The following ADGRL3 variants were observed in gnomAD, a reference collection of about 807,000 sequenced individuals.
ADGRL3 encodes calcium-independent alpha-latrotoxin receptor 3.
Under a neutral mutation model 153.5 loss-of-function variants are expected in ADGRL3, and 62 were observed. That is an observed-to-expected ratio of 0.40 (90% CI 0.33 to 0.50). The LOEUF is 0.50. ADGRL3 is among the 20% of genes least tolerant of loss of function. The pLI is 0.47. For synonymous variants in ADGRL3, 710 were observed against 672.5 expected (o/e 1.06, Z -0.86); for missense variants, 1,641 against 1,859.4 (o/e 0.88, Z 2.16).
intron 25 of ADGRL3, among the ~76,000 whole-genome samples, chr4:62,051,318 T>C (rs554223748): frequency 6.6e-6 from 1 of 151,536 alleles, no homozygotes; most frequent in South Asian, 2.1e-4. Context: ...GGCTCAGATT[T>C]TTTAAGTGAG....
intron 25 of ADGRL3, among the ~76,000 whole-genome samples, chr4:62,055,630 C>T (rs1360262201): frequency 6.6e-6 from 1 of 151,594 alleles, no homozygotes; most frequent in East Asian, 1.9e-4. Context: ...GATTTTAAAA[C>T]TTATGTAACT....
At chr4:61,852,515 A>G (rs1189007388) in intron 9 of ADGRL3, among the ~76,000 whole-genome samples, 4 of 151,960 alleles carry the variant, frequency 2.6e-5, no homozygotes, top group Non-Finnish European at 5.9e-5. Context: ...GGGTTTCGCC[A>G]TGTTGGCCAG....
intron 23 of ADGRL3, among the ~76,000 whole-genome samples, chr4:62,036,117 C>A (rs994691528): frequency 5.3e-5 from 8 of 151,994 alleles, no homozygotes; most frequent in African/African-American, 1.9e-4. Context: ...AAATGTAGCA[C>A]AGAAGAGACT....
intron 2 of ADGRL3, among the ~76,000 whole-genome samples, chr4:61,392,914 T>G (rs192965998): frequency 6.6e-6 from 1 of 151,908 alleles, no homozygotes; most frequent in Admixed American, 6.6e-5. Context: ...CATCATAAAA[T>G]TATTAAATAT....
In ADGRL3 at chr4:61,903,650, C is replaced by CAAAAAAAAAAAAA. The variant is rs55879235; in HGVS notation, c.1888-5889_1888-5877dup. Among the ~76,000 whole-genome samples the CAAAAAAAAAAAAA allele has an allele frequency of 3.7e-4, 27 of 72,354 alleles. 2 individuals carry two copies. Among genetic ancestry groups the CAAAAAAAAAAAAA allele is most frequent in the African/African-American group, 1.4e-3 (21 of 15,294 alleles). 47.5% of individuals were successfully genotyped at this position (72,354 alleles called of 152,430 possible). On this transcript the variant is annotated intron_variant, in intron 11 of 26. Transcript: ENST00000683033. ...TGCTGCACTCCAGCTTGGGAAACAG[C>CAAAAAAAAAAAAA]AAAAAAAAAAAAAAAAAAAAAAAAA...
At chr4:61,619,314 T>G (rs186079715) in intron 5 of ADGRL3, among the ~76,000 whole-genome samples, 1 of 152,302 alleles carries the variant, frequency 6.6e-6, no homozygotes, top group African/African-American at 2.4e-5. Context: ...TAATCTTTCA[T>G]GAAAAACTTC....
chr4:61,217,789 A>G (rs1299989694), intron 1 of ADGRL3, among the ~76,000 whole-genome samples: 1 of 151,942 alleles, frequency 6.6e-6, no homozygotes, highest in African/African-American at 2.4e-5. Context: ...TCTTACCCTT[A>G]TTTTTTCCCA....
chr4:61,919,578 A>G (rs1298644858), intron 13 of ADGRL3, among the ~76,000 whole-genome samples: 1 of 152,210 alleles, frequency 6.6e-6, no homozygotes, highest in East Asian at 1.9e-4. Context: ...TGTAGACATT[A>G]AACGCTACTA....
At chr4:61,999,092 C>T (rs1426503632) in intron 21 of ADGRL3, among the ~76,000 whole-genome samples, 4 of 152,232 alleles carry the variant, frequency 2.6e-5, no homozygotes, top group Non-Finnish European at 5.9e-5. Flanking sequence ...AGAAACCTTC[C>T]TAATGTAAAT....
Position 61,976,280 on chromosome 4 carries a change from T to C in ADGRL3, c.2806-3283T>C, listed in dbSNP as rs560095824. Among the ~76,000 whole-genome samples the C allele has an allele frequency of 2.0e-4, 30 of 151,886 alleles. 1 individual carries two copies. Among genetic ancestry groups the C allele is most frequent in the African/African-American group, 6.5e-4 (27 of 41,418 alleles). ...ACATTGGTACAACTATACCTAGGAGTTTAATTCAACTGGTCTTCCTCTTGA... is the reference window on the plus strand; with the variant it reads ...ACATTGGTACAACTATACCTAGGAGCTTAATTCAACTGGTCTTCCTCTTGA... On this transcript the variant is annotated intron_variant, in intron 17 of 26. Coordinates refer to ENST00000683033, the MANE Select transcript of ADGRL3 (RefSeq NM_001387552.1).
intron 17 of ADGRL3, among the ~76,000 whole-genome samples, chr4:61,952,463 A>G (rs2098950548): frequency 6.7e-6 from 1 of 150,180 alleles, no homozygotes; most frequent in Non-Finnish European, 1.5e-5. Flanking sequence ...TGGGCAACAG[A>G]GTGAGACCCT....
chr4:61,810,785 GT>G (rs1301697340), intron 8 of ADGRL3, among the ~76,000 whole-genome samples: 1 of 151,978 alleles, frequency 6.6e-6, no homozygotes, highest in Non-Finnish European at 1.5e-5. Context: ...GTTTTTTTAT[GT>G]GTTTTTCTGT....
intron 5 of ADGRL3, among the ~76,000 whole-genome samples, chr4:61,664,900 A>G (rs2094730619): frequency 6.6e-6 from 1 of 152,112 alleles, no homozygotes; most frequent in Admixed American, 6.5e-5. Context: ...TCCTTGCTAG[A>G]AAAGTCCTAT....
In ADGRL3 at chr4:61,929,950, C is replaced by T. The variant is rs189818322; in HGVS notation, c.2113-4890C>T. Among the ~76,000 whole-genome samples, 26 of 152,076 alleles carry T rather than the reference C, an allele frequency of 1.7e-4. 1 individual carries two copies. The East Asian group carries it at 3.5e-3, about 20-fold the overall frequency. On this transcript the variant is annotated intron_variant, in intron 13 of 26. Transcript: ENST00000683033. ...AGCATTTTGGGAGGTCCGAGGCAGG[C>T]GGATCATGAGGTCAGGAGATTGAGA...
intron 8 of ADGRL3, chr4:61,775,517 C>G: frequency 1.3e-6 from 1 of 750,116 alleles, no homozygotes; most frequent in South Asian, 1.3e-5. Context: ...TAGTCCTTAA[C>G]TACTGCACAA....
chr4:61,917,906 T>C (rs572612653), intron 13 of ADGRL3, among the ~76,000 whole-genome samples: 86 of 152,234 alleles, frequency 5.6e-4, no homozygotes, highest in African/African-American at 2.0e-3. Context: ...CCTGTGGTAG[T>C]TCAAGGCCCA....
chr4:61,847,143 C>A (rs2098127027), intron 9 of ADGRL3, among the ~76,000 whole-genome samples: 1 of 151,850 alleles, frequency 6.6e-6, no homozygotes. Context: ...TTCAACTATT[C>A]ATATTATGGT....
chr4:61,923,320 T>C (rs2098778954), intron 13 of ADGRL3, among the ~76,000 whole-genome samples: 1 of 151,532 alleles, frequency 6.6e-6, no homozygotes, highest in Admixed American at 6.6e-5. Context: ...AATTAACTGC[T>C]TTACACATTG....
At chr4:61,276,275 A>T (rs2093454323) in intron 1 of ADGRL3, among the ~76,000 whole-genome samples, 1 of 152,170 alleles carries the variant, frequency 6.6e-6, no homozygotes, top group African/African-American at 2.4e-5. Flanking sequence ...CATTAGAGGT[A>T]TGTCAGCCAT....
Sources: allele counts gnomAD v4.1 joint callset (sites outside exome capture counted in the v4.1 genomes callset), GRCh38; gene constraint gnomAD v4.1.1; transcripts MANE v1.5; gene names NCBI Gene and HGNC (gene_info 2026-07-23, HGNC 2026-07-21).